The following TTF2 variants were observed in gnomAD, a reference collection of about 807,000 sequenced individuals.
TTF2 encodes RNA polymerase II termination factor.
A neutral mutation model predicts 142.4 loss-of-function variants in TTF2; 108 were observed. The ratio of observed to expected loss-of-function variants is 0.76; its 90% CI spans 0.65 to 0.89. The LOEUF (loss-of-function observed/expected upper bound fraction) is 0.89, where lower values mean the gene tolerates loss of function less well. Ranked by LOEUF, TTF2 falls within the 40% of genes least tolerant of loss-of-function variation. TTF2 has a pLI of 0.00. For synonymous variants in TTF2, 483 were observed against 506.2 expected (o/e 0.95, Z 0.61); for missense variants, 1,327 against 1,379.8 (o/e 0.96, Z 0.61).
chr1:117,094,419 G>T (rs548685581), intron 18 of TTF2, among the ~76,000 whole-genome samples: 3 of 152,250 alleles, frequency 2.0e-5, no homozygotes, highest in Non-Finnish European at 1.5e-5. Flanking sequence ...CACATGAGCA[G>T]CTGGGAAGAA....
In TTF2 at chr1:117,100,828, A is replaced by T. The variant is rs1649530242; in HGVS notation, c.3345-552A>T. Among the ~76,000 whole-genome samples the T allele has an allele frequency of 6.6e-6, 1 of 151,966 alleles. No homozygotes were observed. ...CACTTACCAGGTCATATTATTGTTTATTTTCATGTTTGTCTCGCTTTTGTT... is the reference window on the plus strand; with the variant it reads ...CACTTACCAGGTCATATTATTGTTTTTTTTCATGTTTGTCTCGCTTTTGTT... On this transcript the variant is annotated intron_variant, in intron 22 of 22. Coordinates refer to ENST00000369466, the MANE Select transcript of TTF2 (RefSeq NM_003594.4). This position sits in a 1 kb window ranked among gnomAD's most constrained non-coding sequence, Gnocchi z 4.6.
intron 8 of TTF2, among the ~76,000 whole-genome samples, chr1:117,078,661 GC>G (rs1303516205): frequency 2.0e-5 from 3 of 152,208 alleles, no homozygotes; most frequent in Admixed American, 6.5e-5. Flanking sequence ...TAGGAGCCTG[GC>G]ATTGATGAAG....
intron 4 of TTF2, among the ~76,000 whole-genome samples, chr1:117,074,283 T>C (rs571082119): frequency 6.6e-6 from 1 of 152,306 alleles, no homozygotes; most frequent in African/African-American, 2.4e-5. Context: ...ATGTTTAGGT[T>C]TGGGGAAAAG....
At chr1:117,060,991 G>A (rs1355842768) in intron 2 of TTF2, among the ~76,000 whole-genome samples, 1 of 152,152 alleles carries the variant, frequency 6.6e-6, no homozygotes, top group Non-Finnish European at 1.5e-5. Context: ...TTAAATGTTT[G>A]AGCTTAAAAC....
chr1:117,064,832 T>C (rs1655959697), intron 3 of TTF2, among the ~76,000 whole-genome samples: 1 of 142,740 alleles, frequency 7.0e-6, no homozygotes, highest in East Asian at 1.9e-4. Context: ...TTTTTTTTTT[T>C]CTTCTTCTTT....
At chr1:117,067,185 T>C (rs148772467) in intron 3 of TTF2, among the ~76,000 whole-genome samples, 1 of 152,352 alleles carries the variant, frequency 6.6e-6, no homozygotes, top group East Asian at 1.9e-4. Flanking sequence ...TGTATTTCTC[T>C]TAGCCTAAAT....
Position 117,079,598 on chromosome 1 carries a change from T to C in TTF2, c.1732T>C (p.Leu578=). The part of the protein sequence containing the change: ...VPLLLHQKQA[L]AWLLWRESQK... ...TTTGCTACTACACCAGAAGCAGGCA[T>C]TGGCTTGGTTACTATGGCGAGAAAG... Residue 578 remains leucine (L), a synonymous_variant, in exon 9 of 23, where the codon TTG becomes CTG. Transcript: ENST00000369466. This position sits in a 1 kb window ranked among gnomAD's most constrained non-coding sequence, Gnocchi z 4.2. 6.2e-7 allele frequency: 1 copy of C among 1,614,236 alleles called. No individual in the cohort carries two copies. Among genetic ancestry groups the C allele is most frequent in the Non-Finnish European group, 8.5e-7 (1 of 1,180,040 alleles).
At chr1:117,082,099 C>A in intron 10 of TTF2, 152 bp downstream of exon 10, 1 of 1,164,080 alleles carries the variant, frequency 8.6e-7, no homozygotes, top group Non-Finnish European at 1.2e-6. Flanking sequence ...CATATCATTT[C>A]TGATGCTGAG....
chr1:117,074,894 G>A lies in TTF2; in HGVS notation c.310G>A (p.Val104Ile), dbSNP rs1233414775. Residue 104 changes from valine to isoleucine, a missense_variant, in exon 5 of 23, where the codon GTA (valine) becomes ATA (isoleucine). By Grantham distance (29) the Val-to-Ile change is conservative. Transcript: ENST00000369466. The part of the protein sequence containing the change: ...WQDPDSKEHS[V>I]SNKSQHASET... Reference sequence around the variant, plus strand: ...GGATCCTGATTCCAAAGAACATTCTGTATCCAATAAGTCTCAGCATGCATC... The same window carrying A: ...GGATCCTGATTCCAAAGAACATTCTATATCCAATAAGTCTCAGCATGCATC... The A allele has an allele frequency of 1.3e-6, 2 of 1,594,658 alleles. No homozygotes were observed. Among genetic ancestry groups the A allele is most frequent in the South Asian group, 2.3e-5 (2 of 86,412 alleles).
chr1:117,074,612 C>A (rs564436201), intron 4 of TTF2, among the ~76,000 whole-genome samples: 1 of 151,670 alleles, frequency 6.6e-6, no homozygotes, highest in Non-Finnish European at 1.5e-5. Context: ...TATGTTCTCA[C>A]GAGCAGGAGC....
At position 117,100,045 on chromosome 1, in the gene TTF2, A is replaced by G. The variant is rs980638968; in HGVS notation, c.3344+1138A>G. 6.6e-6 allele frequency among the ~76,000 whole-genome samples: 1 copy of G among 152,240 alleles called. No homozygotes were observed. The highest frequency in any genetic ancestry group is 1.9e-4 in the East Asian group (1 of 5,194). On this transcript the variant is annotated intron_variant, in intron 22 of 22. Coordinates refer to ENST00000369466, the MANE Select transcript of TTF2 (RefSeq NM_003594.4). The surrounding 1 kb of genome is among the most constrained non-coding windows in gnomAD (Gnocchi z 4.6). Reference sequence around the variant, plus strand: ...TCTGAATCCGAGTGTCCACATACTCATCTGTTATTCCTTCTTTTATTCATT... The same window carrying G: ...TCTGAATCCGAGTGTCCACATACTCGTCTGTTATTCCTTCTTTTATTCATT...
At position 117,100,938 on chromosome 1, in the gene TTF2, G is replaced by A. The variant is rs1362781402; in HGVS notation, c.3345-442G>A. 6.6e-6 allele frequency among the ~76,000 whole-genome samples: 1 copy of A among 152,210 alleles called. No individual in the cohort carries two copies. The highest frequency in any genetic ancestry group is 1.5e-5 in the Non-Finnish European group (1 of 68,040). On this transcript the variant is annotated intron_variant, in intron 22 of 22. Coordinates refer to ENST00000369466, the MANE Select transcript of TTF2 (RefSeq NM_003594.4). The surrounding 1 kb of genome is among the most constrained non-coding windows in gnomAD (Gnocchi z 4.6). ...GTGCTTAATCAATACTTTTGAATGA[G>A]TGAATGAATGACAACAGTGCCATTT... is the stretch of plus-strand genomic sequence containing the variant.
In TTF2 at chr1:117,101,871, G is replaced by T. The variant is rs917352373; in HGVS notation, c.*347G>T. On this transcript the variant is annotated 3_prime_UTR_variant, in exon 23 of 23. Transcript: ENST00000369466. This position sits in a 1 kb window ranked among gnomAD's most constrained non-coding sequence, Gnocchi z 5.9. The stretch of plus-strand genomic sequence containing the variant: ...AAGTTCAAAAAGCGGGCCAGGTGTG[G>T]TGGCTCATGCCTGTAATCCCGACAC... The T allele has an allele frequency of 6.0e-6, 1 of 167,552 alleles. No homozygotes were observed. Among genetic ancestry groups the T allele is most frequent in the African/African-American group, 2.4e-5 (1 of 42,034 alleles). The allele number at this position is 167,552 out of a possible 1,614,324, so 10.4% of individuals were successfully genotyped here.
chr1:117,069,257 A>G (rs919972463), intron 3 of TTF2, among the ~76,000 whole-genome samples: 6 of 152,226 alleles, frequency 3.9e-5, no homozygotes, highest in African/African-American at 1.4e-4. Context: ...TAAGAGTTAG[A>G]TGTACTGAGA....
rs1224166195 is a variant in TTF2, at chr1:117,063,213, A to G, written c.218+740A>G. ...CATTTGAGTACCACCTACAATTTTT[A>G]TATACCTGAGTACTGTTCATACTTC... On this transcript the variant is annotated intron_variant, in intron 3 of 22. Transcript: ENST00000369466. The surrounding 1 kb of genome is among the most constrained non-coding windows in gnomAD (Gnocchi z 4.1). Among the ~76,000 whole-genome samples, 1 of 152,154 alleles carries G rather than the reference A, an allele frequency of 6.6e-6. No homozygotes were observed. Among genetic ancestry groups the G allele is most frequent in the Non-Finnish European group, 1.5e-5 (1 of 68,034 alleles).
At chr1:117,069,306 T>A (rs1262047871) in intron 3 of TTF2, among the ~76,000 whole-genome samples, 1 of 152,172 alleles carries the variant, frequency 6.6e-6, no homozygotes, top group African/African-American at 2.4e-5. Context: ...AGCGCTAAAT[T>A]GAAGACGTTC....
rs1214034746 is a variant in TTF2 at position 117,073,187 on chromosome 1, CCTT to C, written c.219-468_219-466del. Among the ~76,000 whole-genome samples the C allele has an allele frequency of 4.6e-5, 7 of 152,272 alleles. No homozygotes were observed. Among genetic ancestry groups the C allele is most frequent in the Admixed American group, 4.6e-4 (7 of 15,302 alleles). ...ATATTCTCCACAGTATAGTTTTACG[CCTT>C]CTTCTGTTGTTTCTATTTCCTATAA... On this transcript the variant is annotated intron_variant, in intron 3 of 22. Coordinates refer to ENST00000369466, the MANE Select transcript of TTF2 (RefSeq NM_003594.4). This position sits in a 1 kb window ranked among gnomAD's most constrained non-coding sequence, Gnocchi z 4.4.
chr1:117,101,762 T>A lies in TTF2; in HGVS notation c.*238T>A. The A allele has an allele frequency of 2.7e-6, 1 of 369,746 alleles. No homozygotes were observed. The allele number at this position is 369,746 out of a possible 1,614,324, so 22.9% of individuals were successfully genotyped here. Reference sequence around the variant, plus strand: ...TTTAATGAGTGGTATGGAAACCAATTGATTTTTTTAGATAAAAGAATATGT... The same window carrying A: ...TTTAATGAGTGGTATGGAAACCAATAGATTTTTTTAGATAAAAGAATATGT... On this transcript the variant is annotated 3_prime_UTR_variant, in exon 23 of 23. Transcript: ENST00000369466. This position sits in a 1 kb window ranked among gnomAD's most constrained non-coding sequence, Gnocchi z 5.9.
Position 117,079,426 on chromosome 1 carries a change from A to G in TTF2, c.1702-142A>G, listed in dbSNP as rs1455067661. The G allele has an allele frequency of 1.4e-6, 1 of 739,046 alleles. No homozygotes were observed. Among genetic ancestry groups the G allele is most frequent in the East Asian group, 2.7e-5 (1 of 37,288 alleles). The allele number at this position is 739,046 out of a possible 1,614,324, so 45.8% of individuals were successfully genotyped here. A position where few individuals can be genotyped will look rare whatever the true frequency, so the allele number is the denominator to read the frequency against. ...CCCTTGAGAGAGGGTGCTGTTAAGGACTTCAAGGTGAAATGAACTGTCTAC... is the reference window on the plus strand; with the variant it reads ...CCCTTGAGAGAGGGTGCTGTTAAGGGCTTCAAGGTGAAATGAACTGTCTAC... On this transcript the variant is annotated intron_variant, in intron 8 of 22. Transcript: ENST00000369466. This position sits in a 1 kb window ranked among gnomAD's most constrained non-coding sequence, Gnocchi z 4.2.
Sources: allele counts gnomAD v4.1 joint callset (sites outside exome capture counted in the v4.1 genomes callset), GRCh38; gene constraint gnomAD v4.1.1; non-coding constraint Gnocchi (gnomAD v3.1); transcripts MANE v1.5; gene names NCBI Gene and HGNC (gene_info 2026-07-23, HGNC 2026-07-21).